Variants in GPHN observed in about 807,000 individuals in gnomAD.
GPHN encodes the protein gephyrin.
Under a neutral mutation model 95.5 loss-of-function variants are expected in GPHN, and 17 were observed. The ratio of observed to expected loss-of-function variants is 0.18; its 90% CI spans 0.12 to 0.27. The LOEUF is 0.27. GPHN is among the 10% of genes least tolerant of loss of function. GPHN has a pLI of 1.00. For synonymous variants in GPHN, 320 were observed against 322.5 expected (o/e 0.99, Z 0.08); for missense variants, 660 against 978.1 (o/e 0.67, Z 4.34).
chr14:66,955,489 A>C (rs2068430387), intron 8 of GPHN, among the ~76,000 whole-genome samples: 1 of 152,064 alleles, frequency 6.6e-6, no homozygotes, highest in Admixed American at 6.5e-5. Context: ...TCCTGATTTT[A>C]GTAATTTGAA....
chr14:67,689,955 AAAGTT>A, the GPHN span: 1 of 396,334 alleles, frequency 2.5e-6, no homozygotes, highest in Non-Finnish European at 4.7e-6. Flanking sequence ...AAAAAAAAAA[AAAGTT>A]AAGTAACTTG....
chr14:66,670,647 C>T (rs1257103537), intron 1 of GPHN, among the ~76,000 whole-genome samples: 1 of 152,098 alleles, frequency 6.6e-6, no homozygotes, highest in East Asian at 1.9e-4. Flanking sequence ...AAAAATTTAG[C>T]TGGGCATGGT....
At chr14:67,139,044 G>A (rs1192952463) in intron 17 of GPHN, among the ~76,000 whole-genome samples, 1 of 151,654 alleles carries the variant, frequency 6.6e-6, no homozygotes, top group Non-Finnish European at 1.5e-5. Context: ...CAAACATGGT[G>A]AAACCCATCT....
At chr14:67,383,449 GA>G in the GPHN span, 5 of 1,612,158 alleles carry the variant, frequency 3.1e-6, no homozygotes, top group African/African-American at 6.7e-5. Context: ...AACTTTGTGG[GA>G]AACAGAGTCC....
At chr14:66,639,121 A>AATATATATATATATATATATAT (rs4058479) in intron 1 of GPHN, among the ~76,000 whole-genome samples, 164 of 146,026 alleles carry the variant, frequency 1.1e-3, no homozygotes, top group African/African-American at 2.5e-3. Flanking sequence ...ACTGAAGGTA[A>AATATATATATATATATATATAT]ATATATATAT....
At chr14:67,614,092 C>T in the GPHN span, among the ~76,000 whole-genome samples, 1 of 152,112 alleles carries the variant, frequency 6.6e-6, no homozygotes, top group Non-Finnish European at 1.5e-5. Context: ...CACACCACCA[C>T]ACCCAGCTAA....
At chr14:67,684,984 T>C in the GPHN span, 4 of 1,565,098 alleles carry the variant, frequency 2.6e-6, no homozygotes, top group Non-Finnish European at 3.5e-6. Flanking sequence ...GAGCAATAAA[T>C]CTCATCTGCA....
chr14:66,867,001 T>C (rs2063247608), intron 4 of GPHN, among the ~76,000 whole-genome samples: 1 of 152,198 alleles, frequency 6.6e-6, no homozygotes, highest in South Asian at 2.1e-4. Flanking sequence ...CTTCCTACCA[T>C]GGTACTGTCT....
At chr14:66,836,154 A>T (rs1208947951) in intron 4 of GPHN, among the ~76,000 whole-genome samples, 41 of 131,884 alleles carry the variant, frequency 3.1e-4, no homozygotes, top group African/African-American at 1.4e-3. Flanking sequence ...AAGCCAAAAG[A>T]ACAAAGCTGG....
chr14:67,300,795 T>C, the GPHN span, among the ~76,000 whole-genome samples: 1 of 152,180 alleles, frequency 6.6e-6, no homozygotes, highest in Non-Finnish European at 1.5e-5. Flanking sequence ...ATTATGGTGA[T>C]TGTTCCATTA....
intron 1 of GPHN, among the ~76,000 whole-genome samples, chr14:66,588,723 T>C (rs1440596449): frequency 1.3e-5 from 2 of 152,012 alleles, no homozygotes; most frequent in Non-Finnish European, 2.9e-5. Context: ...CCAAGAAATA[T>C]GGGACTATGT....
intron 2 of GPHN, among the ~76,000 whole-genome samples, chr14:66,748,491 T>C (rs1051520223): frequency 6.6e-6 from 1 of 151,952 alleles, no homozygotes; most frequent in Non-Finnish European, 1.5e-5. Context: ...ACCAGAGTGG[T>C]ATATTTGTTG....
At chr14:67,317,543 T>G in the GPHN span, 1 of 1,132,964 alleles carries the variant, frequency 8.8e-7, no homozygotes, top group Non-Finnish European at 1.3e-6. Context: ...TAGTCCTGTT[T>G]TGCACCTTAA....
chr14:66,785,797 A>G lies in GPHN; in HGVS notation c.201+9276A>G, dbSNP rs191917868. Among the ~76,000 whole-genome samples, 4 of 152,126 alleles carry G rather than the reference A, an allele frequency of 2.6e-5. No homozygotes were observed. The East Asian group carries it at 7.7e-4, about 29-fold the overall frequency. On this transcript the variant is annotated intron_variant, in intron 3 of 22. Coordinates refer to ENST00000478722, the MANE Select transcript of GPHN (RefSeq NM_020806.5). ...TACATGCCAGAGGAAATTAAAAGAT[A>G]CTCTAGTAAATAATCAAATAAGATG...
intron 17 of GPHN, among the ~76,000 whole-genome samples, chr14:67,131,491 A>G (rs1277366420): frequency 2.6e-5 from 4 of 152,170 alleles, no homozygotes; most frequent in Non-Finnish European, 5.9e-5. Flanking sequence ...GAAGAATCTT[A>G]CAGGGCCCCT....
At chr14:67,571,615 C>A in the GPHN span, 1 of 773,870 alleles carries the variant, frequency 1.3e-6, no homozygotes, top group African/African-American at 1.7e-5. Flanking sequence ...GGACCTTACA[C>A]TGGACAGTTG....
chr14:67,291,234 CTT>C, the GPHN span, among the ~76,000 whole-genome samples: 3 of 144,900 alleles, frequency 2.1e-5, no homozygotes, highest in Non-Finnish European at 1.5e-5. Context: ...ACTACCAGTG[CTT>C]TTTTTTTTTT....
At chr14:67,222,557 T>G in the GPHN span, among the ~76,000 whole-genome samples, 1 of 152,114 alleles carries the variant, frequency 6.6e-6, no homozygotes, top group Non-Finnish European at 1.5e-5. Context: ...ATTATAGGAG[T>G]GAGCCACCAC....
the GPHN span, among the ~76,000 whole-genome samples, chr14:67,324,299 CAT>C: frequency 6.6e-6 from 1 of 152,110 alleles, no homozygotes; most frequent in South Asian, 2.1e-4. Flanking sequence ...TAGTCCATGT[CAT>C]ATTAAACATT....
Sources: gnomAD v4.1 joint callset for allele counts (sites outside exome capture counted in the v4.1 genomes callset) on GRCh38, gnomAD v4.1.1 for gene constraint, MANE v1.5 for transcripts, NCBI Gene and HGNC (gene_info 2026-07-23, HGNC 2026-07-21) for gene names.